The following MTUS1 variants were observed in gnomAD, a reference collection of about 807,000 sequenced individuals.
MTUS1 encodes the protein microtubule-associated tumor suppressor 1.
Under a neutral mutation model 120.8 loss-of-function variants are expected in MTUS1, and 109 were observed. The ratio of observed to expected loss-of-function variants is 0.90; its 90% confidence interval spans 0.77 to 1.06. The LOEUF (loss-of-function observed/expected upper bound fraction) is 1.06. Ranked by LOEUF, MTUS1 falls within the 50% of genes least tolerant of loss-of-function variation. The pLI is 0.00. For missense variants in MTUS1, 2,210 were observed against 1,486.3 expected, an observed-to-expected ratio of 1.49 and a Z score of -8.01; for synonymous variants, 737 against 550.5, an observed-to-expected ratio of 1.34 and a Z score of -4.74.
intron 3 of MTUS1, among the ~76,000 whole-genome samples, chr8:17,735,037 G>A (rs867417423): frequency 4.6e-5 from 7 of 152,032 alleles, no homozygotes; most frequent in African/African-American, 9.7e-5. Context: ...TCAGGCTCCC[G>A]AGTAGCTAGT....
At position 17,762,211 on chromosome 8, in the gene MTUS1, G is replaced by A. The variant is rs192055487; in HGVS notation, c.-154-6250C>T. 1.0e-3 allele frequency among the ~76,000 whole-genome samples: 158 copies of A among 152,182 alleles called. 1 individual carries two copies. The highest frequency in any genetic ancestry group is 3.4e-3 in the Middle Eastern group (1 of 294). On this transcript the variant is annotated intron_variant, in intron 1 of 14. Coordinates refer to ENST00000693296, the MANE Select transcript of MTUS1 (RefSeq NM_001363059.2). ...GGAGAATCACTGGAACTCAGGAGGC[G>A]GAGGTCGCAGTGAGCCGAGATCACA...
chr8:17,688,053 A>G (rs892276560), intron 6 of MTUS1, among the ~76,000 whole-genome samples: 1 of 152,224 alleles, frequency 6.6e-6, no homozygotes, highest in African/African-American at 2.4e-5. Flanking sequence ...AAGAAGCCAC[A>G]CATTTCCTCA....
intron 8 of MTUS1, among the ~76,000 whole-genome samples, chr8:17,661,080 G>T (rs907402439): frequency 3.3e-5 from 5 of 152,140 alleles, no homozygotes; most frequent in Non-Finnish European, 5.9e-5. Flanking sequence ...TATTACACTA[G>T]TAACCACAGA....
intron 7 of MTUS1, among the ~76,000 whole-genome samples, chr8:17,684,127 G>C (rs900107848): frequency 6.6e-6 from 1 of 152,204 alleles, no homozygotes; most frequent in African/African-American, 2.4e-5. Context: ...GGAAAAAAAG[G>C]AAGTGAGAAA....
rs58283163 is a variant in MTUS1, at chr8:17,744,689, C to CTT, written c.2092-892_2092-891dup. ...TGGAGATGGGGTTTCACCATGTTTT[C>CTT]TTTTTTTTTTTTTTTTTTTTGATTT... On this transcript the variant is annotated intron_variant, in intron 2 of 14. Coordinates refer to ENST00000693296, the MANE Select transcript of MTUS1 (RefSeq NM_001363059.2). Among the ~76,000 whole-genome samples the CTT allele has an allele frequency of 8.2e-3, 810 of 98,934 alleles. 10 individuals are homozygous for CTT. The highest frequency in any genetic ancestry group is 0.015 in the Middle Eastern group (2 of 130). 64.9% of individuals were successfully genotyped at this position (98,934 alleles called of 152,430 possible).
intron 1 of MTUS1, among the ~76,000 whole-genome samples, chr8:17,757,554 T>C (rs2048717895): frequency 1.3e-5 from 2 of 152,130 alleles, no homozygotes; most frequent in South Asian, 4.1e-4. Context: ...TGAGATGGAG[T>C]CTTGCTCTGC....
intron 3 of MTUS1, among the ~76,000 whole-genome samples, chr8:17,738,921 T>G (rs1260486378): frequency 1.3e-5 from 2 of 151,880 alleles, no homozygotes; most frequent in East Asian, 3.9e-4. Flanking sequence ...GGAGGATCAC[T>G]TAAGCCCAGG....
At chr8:17,729,767 A>G (rs2046437795) in intron 3 of MTUS1, among the ~76,000 whole-genome samples, 1 of 152,086 alleles carries the variant, frequency 6.6e-6, no homozygotes, top group Non-Finnish European at 1.5e-5. Context: ...CCAAAAAAAA[A>G]TTTAGAACAG....
intron 3 of MTUS1, among the ~76,000 whole-genome samples, chr8:17,727,968 A>C (rs1403413151): frequency 2.0e-5 from 3 of 152,222 alleles, no homozygotes; most frequent in Non-Finnish European, 4.4e-5. Flanking sequence ...TAAAATACTC[A>C]CCTCAGAAAA....
intron 1 of MTUS1, among the ~76,000 whole-genome samples, chr8:17,780,215 T>A (rs887629143): frequency 3.3e-5 from 5 of 151,664 alleles, no homozygotes; most frequent in African/African-American, 1.2e-4. Flanking sequence ...GTGTGGTACC[T>A]CCCCCGTCCC....
At position 17,697,291 on chromosome 8, in the gene MTUS1, T is replaced by TGAAGGAAGTCGAAGGTTTC. The variant is rs1325974588; in HGVS notation, c.2624-12768_2624-12750dup. ...AAACAACAGTGCTTCTCCTAAACCC[T>TGAAGGAAGTCGAAGGTTTC]GAAGGAAGTCGAAGGTTTCGAAGCA... On this transcript the variant is annotated intron_variant, in intron 6 of 14. Coordinates refer to ENST00000693296, the MANE Select transcript of MTUS1 (RefSeq NM_001363059.2). The TGAAGGAAGTCGAAGGTTTC allele has an allele frequency of 1.9e-6, 3 of 1,614,114 alleles. No homozygotes were observed. In the South Asian group the frequency reaches 3.3e-5, roughly 18 times the overall value.
At chr8:17,652,773 T>C (rs1355820432) in intron 12 of MTUS1, among the ~76,000 whole-genome samples, 1 of 151,562 alleles carries the variant, frequency 6.6e-6, no homozygotes, top group Non-Finnish European at 1.5e-5. Context: ...GAGGTGGACG[T>C]TGCAGTGAGC....
At chr8:17,652,559 G>T (rs1807244452) in intron 12 of MTUS1, among the ~76,000 whole-genome samples, 2 of 151,996 alleles carry the variant, frequency 1.3e-5, no homozygotes, top group Admixed American at 6.5e-5. Context: ...AAATGTTCTA[G>T]AAAGAGGTAC....
intron 6 of MTUS1, among the ~76,000 whole-genome samples, chr8:17,688,209 C>G (rs1343759970): frequency 6.6e-6 from 1 of 152,232 alleles, no homozygotes. Context: ...GACCTACTCA[C>G]TCACTCATGA....
chr8:17,782,086 C>G (rs542748123), intron 1 of MTUS1, among the ~76,000 whole-genome samples: 2 of 152,284 alleles, frequency 1.3e-5, no homozygotes, highest in South Asian at 4.1e-4. Context: ...GCTAACAAAT[C>G]AAAGCTGACA....
At chr8:17,749,134 T>G (rs889691214) in intron 2 of MTUS1, among the ~76,000 whole-genome samples, 2 of 151,994 alleles carry the variant, frequency 1.3e-5, no homozygotes, top group Non-Finnish European at 2.9e-5. Context: ...CTCCGAAGGG[T>G]TGGAATTCAG....
intron 1 of MTUS1, among the ~76,000 whole-genome samples, chr8:17,768,065 A>G (rs2049704004): frequency 6.6e-6 from 1 of 152,198 alleles, no homozygotes; most frequent in African/African-American, 2.4e-5. Context: ...TGTGCCCAAT[A>G]CAGGTCTGTT....
intron 1 of MTUS1, among the ~76,000 whole-genome samples, chr8:17,771,485 A>T (rs191562925): frequency 6.6e-6 from 1 of 152,330 alleles, no homozygotes; most frequent in East Asian, 1.9e-4. Flanking sequence ...CAAATCTTTT[A>T]TTCAGAATCT....
At chr8:17,730,432 C>G (rs972002821) in intron 3 of MTUS1, among the ~76,000 whole-genome samples, 1 of 147,726 alleles carries the variant, frequency 6.8e-6, no homozygotes, top group Non-Finnish European at 1.5e-5. Context: ...TTACAGTGAG[C>G]TGAGATCATG....
Sources: gnomAD v4.1 joint callset for allele counts (sites outside exome capture counted in the v4.1 genomes callset) on GRCh38, gnomAD v4.1.1 for gene constraint, MANE v1.5 for transcripts, NCBI Gene and HGNC (gene_info 2026-07-23, HGNC 2026-07-21) for gene names.